KLF8: variants seen among roughly 807,000 people sequenced by gnomAD.
KLF8 encodes KLF transcription factor 8.
A neutral mutation model predicts 18.2 loss-of-function variants in KLF8; 10 were observed. The ratio of observed to expected loss-of-function variants is 0.55; its 90% confidence interval spans 0.34 to 0.93. KLF8 has a LOEUF of 0.93. KLF8 is among the 40% of genes least tolerant of loss of function. The pLI, the probability that KLF8 is intolerant of heterozygous loss-of-function variation, is 0.02. For synonymous variants in KLF8, 109 were observed against 97.3 expected, an observed-to-expected ratio of 1.12 and a Z score of -0.71; for missense variants, 264 against 277.9, an observed-to-expected ratio of 0.95 and a Z score of 0.36.
chrX:56,042,699 C>A, the KLF8 span, among the ~76,000 whole-genome samples: 1 of 111,257 alleles, frequency 9.0e-6, no homozygotes, highest in African/African-American at 3.3e-5. Context: ...GTAAAGTTGT[C>A]TTCTATTCCT....
At chrX:56,023,053 G>A in the KLF8 span, among the ~76,000 whole-genome samples, 1 of 111,723 alleles carries the variant, frequency 9.0e-6, no homozygotes, top group African/African-American at 3.3e-5. Flanking sequence ...ATGTCCATAA[G>A]TGTGTTAATG....
At chrX:56,267,397 CG>C (rs766371981) in intron 3 of KLF8, 429 of 128,791 alleles carry the variant, frequency 3.3e-3, no homozygotes, top group African/African-American at 0.013. Flanking sequence ...GAAAGAATAG[CG>C]GAAAGCCCTG....
chrX:55,995,540 G>A, the KLF8 span, among the ~76,000 whole-genome samples: 13 of 112,154 alleles, frequency 1.2e-4, no homozygotes, highest in Admixed American at 3.8e-4. Context: ...TCTGTGGTTA[G>A]CACTTCCTAA....
the KLF8 span, among the ~76,000 whole-genome samples, chrX:56,175,322 AC>A: frequency 1.8e-5 from 2 of 112,064 alleles, no homozygotes; most frequent in African/African-American, 6.5e-5. Flanking sequence ...GTTTCAAAGA[AC>A]ATCTTTATTT....
chrX:55,993,996 C>T, the KLF8 span, among the ~76,000 whole-genome samples: 19 of 107,271 alleles, frequency 1.8e-4, no homozygotes, highest in African/African-American at 5.5e-4. Flanking sequence ...CTGCAACCTC[C>T]GCCTCCCGGG....
chrX:56,185,920 A>T, the KLF8 span, among the ~76,000 whole-genome samples: 1 of 112,291 alleles, frequency 8.9e-6, no homozygotes, highest in African/African-American at 3.2e-5. Flanking sequence ...CTGCAAAAAC[A>T]TGCCAAATTG....
the KLF8 span, among the ~76,000 whole-genome samples, chrX:56,100,758 T>C: frequency 8.9e-6 from 1 of 112,210 alleles, no homozygotes; most frequent in East Asian, 2.8e-4. Flanking sequence ...CTGAAGCTAT[T>C]ACTAAATTGC....
the KLF8 span, among the ~76,000 whole-genome samples, chrX:56,155,511 G>T: frequency 1.8e-5 from 2 of 110,515 alleles, no homozygotes; most frequent in Non-Finnish European, 3.8e-5. Context: ...TGTAAATGAC[G>T]AGTTAATGGG....
At chrX:56,137,100 AAAC>A in the KLF8 span, among the ~76,000 whole-genome samples, 2 of 110,243 alleles carry the variant, frequency 1.8e-5, no homozygotes, top group Non-Finnish European at 3.8e-5. Flanking sequence ...AAAAGTCAGG[AAAC>A]AACAGGTTCT....
the KLF8 span, among the ~76,000 whole-genome samples, chrX:56,190,851 C>T: frequency 1.8e-5 from 2 of 111,144 alleles, no homozygotes; most frequent in East Asian, 2.8e-4. Context: ...ATATAAATAC[C>T]TATCTCAAAA....
At chrX:56,257,205 G>C (rs772565522) in intron 2 of KLF8, among the ~76,000 whole-genome samples, 1 of 111,220 alleles carries the variant, frequency 9.0e-6, no homozygotes, top group Non-Finnish European at 1.9e-5. Context: ...GTCTTAAGGT[G>C]TGTTTTGTCA....
chrX:56,146,411 A>G, the KLF8 span, among the ~76,000 whole-genome samples: 1 of 111,851 alleles, frequency 8.9e-6, no homozygotes, highest in Non-Finnish European at 1.9e-5. Context: ...TGTTCTTTGC[A>G]GAGACATGGA....
At chrX:55,988,040 A>G in the KLF8 span, among the ~76,000 whole-genome samples, 1 of 111,426 alleles carries the variant, frequency 9.0e-6, no homozygotes, top group Admixed American at 9.5e-5. Flanking sequence ...CCACTTTTTG[A>G]CGGGGTTCTT....
the KLF8 span, among the ~76,000 whole-genome samples, chrX:56,092,015 A>G: frequency 1.7e-4 from 18 of 103,907 alleles, no homozygotes; most frequent in East Asian, 4.2e-3. Flanking sequence ...AATGATAGAC[A>G]TCTCACTGGT....
chrX:56,124,522 T>G, the KLF8 span, among the ~76,000 whole-genome samples: 2 of 112,143 alleles, frequency 1.8e-5, no homozygotes, highest in Non-Finnish European at 3.8e-5. Context: ...TAAAACATGA[T>G]GCTTTTCATT....
chrX:56,011,552 G>C, the KLF8 span, among the ~76,000 whole-genome samples: 1 of 111,096 alleles, frequency 9.0e-6, no homozygotes, highest in Non-Finnish European at 1.9e-5. Context: ...AAAAGAACTA[G>C]AGAAGCAACA....
At chrX:55,994,529 T>A in the KLF8 span, among the ~76,000 whole-genome samples, 1 of 110,159 alleles carries the variant, frequency 9.1e-6, no homozygotes, top group South Asian at 3.9e-4. Context: ...TTTGTTGAGA[T>A]TTTTCTAACT....
the KLF8 span, among the ~76,000 whole-genome samples, chrX:56,152,512 G>T: frequency 9.0e-6 from 1 of 111,176 alleles, no homozygotes; most frequent in Non-Finnish European, 1.9e-5. Context: ...CAAAGACTTA[G>T]ATAATAATAG....
chrX:55,958,888 CAT>C, the KLF8 span, among the ~76,000 whole-genome samples: 2 of 112,373 alleles, frequency 1.8e-5, no homozygotes, highest in Non-Finnish European at 3.8e-5. Context: ...CAGTCACACA[CAT>C]GTGCTCAGAC....
Sources: gnomAD v4.1 joint callset for allele counts (sites outside exome capture counted in the v4.1 genomes callset) on GRCh38, gnomAD v4.1.1 for gene constraint, MANE v1.5 for transcripts, NCBI Gene and HGNC (gene_info 2026-07-23, HGNC 2026-07-21) for gene names.